The following RBM46 variants were observed in gnomAD, a reference collection of about 807,000 sequenced individuals.
The protein encoded by RBM46 is RNA binding motif protein 46, also known as probable RNA-binding protein 46.
RBM46 carries 12 observed loss-of-function variants against 43.3 expected under a neutral mutation model. The observed-to-expected ratio is 0.28, with a 90% confidence interval of 0.18 to 0.45. The LOEUF (loss-of-function observed/expected upper bound fraction) is 0.45, where lower values mean the gene tolerates loss of function less well. RBM46 is among the 20% of genes least tolerant of loss of function. The probability of loss-of-function intolerance (pLI) is 1.00; values close to 1 mark genes in which losing one functional copy is unlikely to be tolerated. For missense variants in RBM46, 412 were observed against 639.1 expected (o/e 0.64, Z 3.83); for synonymous variants, 205 against 207.6 (o/e 0.99, Z 0.11).
At chr4:154,787,309 A>G (rs1478507024) in intron 1 of RBM46, 1 of 148,250 alleles carries the variant, frequency 6.7e-6, no homozygotes, top group Non-Finnish European at 1.5e-5. Flanking sequence ...CATTAGGTAT[A>G]TCTCCTAATG....
At chr4:154,796,178 T>G (rs1734342361) in intron 1 of RBM46, among the ~76,000 whole-genome samples, 1 of 151,990 alleles carries the variant, frequency 6.6e-6, no homozygotes, top group Non-Finnish European at 1.5e-5. Context: ...AAAAATGAAA[T>G]AAATATCTGA....
chr4:154,820,955 A>G (rs1032513251), intron 4 of RBM46, among the ~76,000 whole-genome samples: 1 of 151,858 alleles, frequency 6.6e-6, no homozygotes, highest in East Asian at 1.9e-4. Flanking sequence ...CAAAAGAATG[A>G]TGTTTTCTAG....
rs58437982 is a variant in RBM46 at position 154,794,177 on chromosome 4, CTT to C, written c.-11-2545_-11-2544del. On this transcript the variant is annotated intron_variant, in intron 1 of 4. Coordinates refer to ENST00000281722, the MANE Select transcript of RBM46 (RefSeq NM_144979.5). ...CTTGCCTGGATTTTAGTAGTAATCA[CTT>C]TTTTTTTTTTTTTTTTTTTGAGATG... is the stretch of plus-strand genomic sequence containing the variant. Among the ~76,000 whole-genome samples the C allele has an allele frequency of 1.0e-3, 117 of 115,728 alleles. No individual in the cohort carries two copies. The South Asian group carries it at 0.019, about 19-fold the overall frequency. The allele number at this position is 115,728 out of a possible 152,430, so 75.9% of individuals were successfully genotyped here. A position where few individuals can be genotyped will look rare whatever the true frequency, so the allele number is the denominator to read the frequency against.
intron 4 of RBM46, among the ~76,000 whole-genome samples, chr4:154,816,262 T>C (rs1323604812): frequency 6.6e-6 from 1 of 152,152 alleles, no homozygotes; most frequent in Non-Finnish European, 1.5e-5. Flanking sequence ...TGTAACTTTA[T>C]ATCCAAGACC....
rs1461049588 is a variant in RBM46, at chr4:154,799,166, A to C, written c.1004A>C (p.Asn335Thr). ...PNSENLIVFA[N>T]KEESHPKTLG... is the part of the protein sequence containing the mutation. ...TCTGAAAATCTGATTGTGTTTGCTA[A>C]CAAAGAAGAGAGCCACCCAAAAACT... The change falls in exon 4 of 5, where the codon AAC (asparagine) becomes ACC (threonine). Residue 335 changes from asparagine to threonine, a missense_variant. Physicochemically the swap from Asn to Thr is moderately conservative, Grantham distance 65 (BLOSUM62 0). Coordinates refer to ENST00000281722, the MANE Select transcript of RBM46 (RefSeq NM_144979.5). 6.2e-7 allele frequency: 1 copy of C among 1,614,164 alleles called. No individual in the cohort carries two copies. The highest frequency in any genetic ancestry group is 8.5e-7 in the Non-Finnish European group (1 of 1,180,040).
At chr4:154,807,318 T>C (rs1734954179) in intron 4 of RBM46, among the ~76,000 whole-genome samples, 1 of 151,778 alleles carries the variant, frequency 6.6e-6, no homozygotes, top group Non-Finnish European at 1.5e-5. Flanking sequence ...CGTTGATTTG[T>C]AGCTCCTCTT....
intron 4 of RBM46, among the ~76,000 whole-genome samples, chr4:154,816,370 C>A (rs1217144887): frequency 6.6e-6 from 1 of 152,170 alleles, no homozygotes; most frequent in Non-Finnish European, 1.5e-5. Context: ...GATCCATGAA[C>A]ATGATACCTC....
chr4:154,790,214 T>C (rs1361452628), intron 1 of RBM46: 4 of 152,244 alleles, frequency 2.6e-5, no homozygotes, highest in Non-Finnish European at 4.4e-5. Context: ...TTCTGCTAGC[T>C]TTTGAATGTG....
chr4:154,804,612 G>A (rs156590), intron 4 of RBM46, among the ~76,000 whole-genome samples: 92,597 of 152,038 alleles, frequency 0.61, 31,283 homozygotes, highest in African/African-American at 0.89. Flanking sequence ...TCACCTTGTT[G>A]TATAATTTAT....
At chr4:154,786,914 G>C (rs763031146) in intron 1 of RBM46, among the ~76,000 whole-genome samples, 4 of 152,172 alleles carry the variant, frequency 2.6e-5, no homozygotes, top group Non-Finnish European at 4.4e-5. Context: ...GTGACAGAGC[G>C]AGACTCCTTC....
intron 4 of RBM46, among the ~76,000 whole-genome samples, chr4:154,823,479 A>G (rs1254685025): frequency 4.0e-5 from 6 of 151,886 alleles, no homozygotes; most frequent in African/African-American, 1.4e-4. Context: ...ATTAGTCTAA[A>G]GAGTATCTAG....
intron 4 of RBM46, among the ~76,000 whole-genome samples, chr4:154,822,827 A>G (rs1420363370): frequency 6.6e-6 from 1 of 151,796 alleles, no homozygotes; most frequent in Admixed American, 6.6e-5. Context: ...TGGGAATGTA[A>G]AATAGTATAG....
At chr4:154,820,043 GT>G in intron 4 of RBM46, among the ~76,000 whole-genome samples, 1 of 151,906 alleles carries the variant, frequency 6.6e-6, no homozygotes, top group Non-Finnish European at 1.5e-5. Flanking sequence ...GATCTCATTT[GT>G]TTTTAGAGTC....
chr4:154,828,250 C>G lies in RBM46; in HGVS notation c.*183C>G, dbSNP rs1736060455. ...TGGAGTTGTAGAATTTATAAAAATGCAAAGTTTAAAAAGTTATTCAGTGGT... is the reference window on the plus strand; with the variant it reads ...TGGAGTTGTAGAATTTATAAAAATGGAAAGTTTAAAAAGTTATTCAGTGGT... On this transcript the variant is annotated 3_prime_UTR_variant, in exon 5 of 5. Transcript: ENST00000281722. The G allele has an allele frequency of 1.7e-6, 1 of 580,718 alleles. No individual in the cohort carries two copies. 36.0% of individuals were successfully genotyped at this position (580,718 alleles called of 1,614,324 possible).
intron 4 of RBM46, among the ~76,000 whole-genome samples, chr4:154,824,874 A>G (rs139719117): frequency 9.1e-4 from 139 of 152,232 alleles, no homozygotes; most frequent in Non-Finnish European, 1.8e-3. Context: ...GGCTGCCTCC[A>G]AGTGAAGGTC....
intron 1 of RBM46, among the ~76,000 whole-genome samples, chr4:154,794,231 A>G (rs1039232977): frequency 7.5e-6 from 1 of 134,066 alleles, no homozygotes; most frequent in African/African-American, 3.0e-5. Context: ...CCCAGGCTGG[A>G]CTGCAGTGGT....
intron 4 of RBM46, among the ~76,000 whole-genome samples, chr4:154,813,045 A>G (rs1017363659): frequency 2.0e-5 from 3 of 152,160 alleles, no homozygotes; most frequent in African/African-American, 7.2e-5. Flanking sequence ...TATTCCCTGC[A>G]TTATATGGGT....
At chr4:154,823,778 C>G (rs1277006418) in intron 4 of RBM46, among the ~76,000 whole-genome samples, 1 of 151,964 alleles carries the variant, frequency 6.6e-6, no homozygotes, top group African/African-American at 2.4e-5. Flanking sequence ...ATAGTAACCA[C>G]ATAAACAGGC....
intron 4 of RBM46, among the ~76,000 whole-genome samples, chr4:154,801,023 C>G (rs1329629615): frequency 6.6e-6 from 1 of 150,898 alleles, no homozygotes; most frequent in Admixed American, 6.6e-5. Flanking sequence ...CTTTGTCACC[C>G]AGACTTGAGT....
Sources: allele counts gnomAD v4.1 joint callset (sites outside exome capture counted in the v4.1 genomes callset), GRCh38; gene constraint gnomAD v4.1.1; transcripts MANE v1.5; gene names NCBI Gene and HGNC (gene_info 2026-07-23, HGNC 2026-07-21).